Variants in SEMA5B observed in about 807,000 individuals in gnomAD.
SEMA5B encodes the protein semaphorin-5B.
Under a neutral mutation model 135.0 loss-of-function variants are expected in SEMA5B, and 66 were observed. The ratio of observed to expected loss-of-function variants is 0.49; its 90% CI spans 0.40 to 0.60. The LOEUF is 0.60. Among genes scored for constraint, SEMA5B ranks in the 20% least tolerant of loss-of-function variants. SEMA5B has a pLI of 0.00. For missense variants in SEMA5B, 1,501 were observed against 1,566.3 expected (o/e 0.96, Z 0.70); for synonymous variants, 690 against 639.5 (o/e 1.08, Z -1.19).
chr3:122,966,296 T>C (rs1235048288), intron 1 of SEMA5B, among the ~76,000 whole-genome samples: 3 of 152,148 alleles, frequency 2.0e-5, no homozygotes, highest in African/African-American at 4.8e-5. Flanking sequence ...AGTTGATAAA[T>C]GTTTTCATTT....
At chr3:122,924,634 T>C (rs1938534593) in intron 9 of SEMA5B, among the ~76,000 whole-genome samples, 1 of 152,108 alleles carries the variant, frequency 6.6e-6, no homozygotes, top group South Asian at 2.1e-4. Flanking sequence ...CTCCCTGCCC[T>C]ACCCCTTCAC....
At chr3:122,988,437 A>G (rs757896066) in intron 1 of SEMA5B, among the ~76,000 whole-genome samples, 7 of 152,170 alleles carry the variant, frequency 4.6e-5, no homozygotes, top group Non-Finnish European at 8.8e-5. Flanking sequence ...CAGAACCCCA[A>G]CCACCTGGAT....
intron 1 of SEMA5B, among the ~76,000 whole-genome samples, chr3:122,971,620 T>C (rs1941119769): frequency 1.3e-5 from 2 of 152,262 alleles, no homozygotes; most frequent in Non-Finnish European, 2.9e-5. Flanking sequence ...CCCGTGTCTA[T>C]TGAATGAATG....
Position 122,935,100 on chromosome 3 carries a change from C to T in SEMA5B, c.474+4325G>A, listed in dbSNP as rs74941656. Among the ~76,000 whole-genome samples the T allele has an allele frequency of 3.9e-5, 6 of 152,198 alleles. No homozygotes were observed. The East Asian group carries it at 9.6e-4, about 24-fold the overall frequency. ...TATGAAATTACGTGATAAAAAAAAG[C>T]ATCTTTGTTTGTTTGCTTTAAGAGT... is the stretch of plus-strand genomic sequence containing the variant. On this transcript the variant is annotated intron_variant, in intron 5 of 22. Transcript: ENST00000357599.
intron 7 of SEMA5B, among the ~76,000 whole-genome samples, chr3:122,928,260 C>T (rs1938754611): frequency 6.6e-6 from 1 of 152,186 alleles, no homozygotes; most frequent in African/African-American, 2.4e-5. Context: ...ATACAGAAGG[C>T]CCAGCTCAAT....
chr3:122,980,894 T>C (rs1301181489), intron 1 of SEMA5B, among the ~76,000 whole-genome samples: 3 of 152,250 alleles, frequency 2.0e-5, no homozygotes, highest in Non-Finnish European at 4.4e-5. Context: ...AGGTTCTTCA[T>C]GTAAGCAGAT....
intron 3 of SEMA5B, among the ~76,000 whole-genome samples, chr3:122,946,437 T>G (rs557410459): frequency 1.1e-4 from 17 of 152,086 alleles, no homozygotes; most frequent in African/African-American, 3.1e-4. Flanking sequence ...GCCTACAGAT[T>G]GGTCAGAAAG....
At chr3:122,924,024 G>A (rs1464683563) in intron 9 of SEMA5B, among the ~76,000 whole-genome samples, 3 of 151,870 alleles carry the variant, frequency 2.0e-5, no homozygotes, top group African/African-American at 7.3e-5. Flanking sequence ...GAAATACAGT[G>A]GCTTTCAAAC....
At chr3:122,939,384 A>G (rs1208392694) in intron 5 of SEMA5B, 41 bp downstream of exon 5, 1 of 1,524,514 alleles carries the variant, frequency 6.6e-7, no homozygotes, top group East Asian at 2.2e-5. Flanking sequence ...GCTCTGGAAT[A>G]GGGGAAATTA....
intron 1 of SEMA5B, among the ~76,000 whole-genome samples, chr3:122,979,619 T>TC (rs1204372736): frequency 3.3e-5 from 5 of 152,116 alleles, no homozygotes; most frequent in Non-Finnish European, 2.9e-5. Context: ...AATTGGGATG[T>TC]CCCCCCATCA....
intron 1 of SEMA5B, among the ~76,000 whole-genome samples, chr3:122,966,089 C>A (rs1378632501): frequency 6.6e-6 from 1 of 152,176 alleles, no homozygotes; most frequent in Non-Finnish European, 1.5e-5. Context: ...GAAGGCCATG[C>A]TGGAACACCT....
At chr3:122,996,469 C>A (rs894234090) in intron 1 of SEMA5B, among the ~76,000 whole-genome samples, 8 of 152,196 alleles carry the variant, frequency 5.3e-5, no homozygotes, top group Non-Finnish European at 1.2e-4. Context: ...CTGCCCTGAC[C>A]CCGGCCCCGT....
At chr3:122,911,283 C>G (rs963231588) in intron 21 of SEMA5B, 2 of 1,420,560 alleles carry the variant, frequency 1.4e-6, no homozygotes, top group African/African-American at 2.8e-5. Flanking sequence ...TCAGATGACT[C>G]TTCCTTGGGT....
chr3:122,945,952 C>G lies in SEMA5B; in HGVS notation c.329-2417G>C, dbSNP rs543737185. The stretch of plus-strand genomic sequence containing the variant: ...GGGAGAGAAGGAGCCGGGCATAGCA[C>G]GGGGATCCTAGGGGGGCCTTGGGAA... On this transcript the variant is annotated intron_variant, in intron 3 of 22. Transcript: ENST00000357599. Among the ~76,000 whole-genome samples the G allele has an allele frequency of 1.3e-4, 19 of 151,684 alleles. No homozygotes were observed. In the South Asian group the frequency reaches 2.7e-3, roughly 22 times the overall value.
chr3:122,919,491 G>C (rs570866152), intron 12 of SEMA5B, among the ~76,000 whole-genome samples: 1 of 152,222 alleles, frequency 6.6e-6, no homozygotes, highest in African/African-American at 2.4e-5. Context: ...CTGGATCCTG[G>C]GCAGAGGAGG....
chr3:123,012,228 C>T (rs1277663465), intron 1 of SEMA5B, among the ~76,000 whole-genome samples: 1 of 152,162 alleles, frequency 6.6e-6, no homozygotes, highest in African/African-American at 2.4e-5. Flanking sequence ...GTAGTAAGTC[C>T]TCATACATGG....
At chr3:123,002,803 A>G (rs527877539) in intron 1 of SEMA5B, among the ~76,000 whole-genome samples, 1 of 152,364 alleles carries the variant, frequency 6.6e-6, no homozygotes, top group Non-Finnish European at 1.5e-5. Flanking sequence ...TGCCATTTCC[A>G]AATTAAATTT....
intron 2 of SEMA5B, among the ~76,000 whole-genome samples, chr3:122,954,242 C>T (rs1254581831): frequency 1.3e-5 from 2 of 152,180 alleles, no homozygotes; most frequent in Non-Finnish European, 2.9e-5. Context: ...TGCTACCTGC[C>T]ATGTGAGCTG....
Position 123,016,533 on chromosome 3 carries a change from G to C in SEMA5B, c.-39+10931C>G, listed in dbSNP as rs139229552. On this transcript the variant is annotated intron_variant, in intron 1 of 22. Coordinates refer to ENST00000357599, the MANE Select transcript of SEMA5B (RefSeq NM_001031702.4). Reference sequence around the variant, plus strand: ...TTTAGGGAATAATTACAAGAAAAAAGTCTCTGTACATGTTTAGCATAGATA... The same window carrying C: ...TTTAGGGAATAATTACAAGAAAAAACTCTCTGTACATGTTTAGCATAGATA... Among the ~76,000 whole-genome samples, 604 of 152,226 alleles carry C rather than the reference G, an allele frequency of 4.0e-3. 7 individuals are homozygous for C. The highest frequency in any genetic ancestry group is 0.014 in the African/African-American group (583 of 41,532).
Sources: allele counts gnomAD v4.1 joint callset (sites outside exome capture counted in the v4.1 genomes callset), GRCh38; gene constraint gnomAD v4.1.1; transcripts MANE v1.5; gene names NCBI Gene and HGNC (gene_info 2026-07-23, HGNC 2026-07-21).